The following PPFIA2 variants were observed in gnomAD, a reference collection of about 807,000 sequenced individuals.
The protein encoded by PPFIA2 is liprin-alpha-2.
Under a neutral mutation model 175.5 loss-of-function variants are expected in PPFIA2, and 46 were observed. The ratio of observed to expected loss-of-function variants is 0.26; its 90% confidence interval spans 0.21 to 0.34. PPFIA2 has a LOEUF of 0.34. Among genes scored for constraint, PPFIA2 ranks in the 10% least tolerant of loss-of-function variants. PPFIA2 has a pLI of 1.00. For missense variants in PPFIA2, 1,179 were observed against 1,506.1 expected (o/e 0.78, Z 3.60); for synonymous variants, 568 against 511.4 (o/e 1.11, Z -1.49).
chr12:81,704,349 G>A lies in PPFIA2; in HGVS notation c.250-27505C>T, dbSNP rs79769700. Among the ~76,000 whole-genome samples the A allele has an allele frequency of 6.4e-3, 973 of 152,148 alleles. 15 individuals are homozygous for A. The highest frequency in any genetic ancestry group is 0.022 in the African/African-American group (933 of 41,498). ...CTATTCTGTGCCCAAAATACTGCCT[G>A]GTGTTATGAAGAAGGTTGAGTAAAA... is the stretch of plus-strand genomic sequence containing the variant. On this transcript the variant is annotated intron_variant, in intron 3 of 32. Transcript: ENST00000549396.
chr12:81,701,130 T>G (rs1256264588), intron 3 of PPFIA2, among the ~76,000 whole-genome samples: 2 of 152,190 alleles, frequency 1.3e-5, no homozygotes, highest in Non-Finnish European at 2.9e-5. Context: ...AATTAGCCTC[T>G]GTGAACTGCA....
intron 14 of PPFIA2, 132 bp from the exon 15 acceptor site, chr12:81,362,916 A>C: frequency 2.0e-6 from 1 of 505,608 alleles, no homozygotes; most frequent in Non-Finnish European, 3.4e-6. Flanking sequence ...TACACATAAT[A>C]ATAAAGCACG....
intron 3 of PPFIA2, among the ~76,000 whole-genome samples, chr12:81,732,511 TTTA>T (rs2081044086): frequency 9.5e-6 from 1 of 105,478 alleles, no homozygotes; most frequent in East Asian, 2.2e-4. Context: ...GATGTTTTTT[TTTA>T]AAAAAAAAAA....
chr12:81,461,701 C>T (rs373536496), intron 4 of PPFIA2, among the ~76,000 whole-genome samples: 2 of 152,066 alleles, frequency 1.3e-5, no homozygotes, highest in African/African-American at 2.4e-5. Context: ...TCTGCAACTA[C>T]TGTGAAACAT....
At chr12:81,540,721 ATAAT>A (rs2066076290) in intron 4 of PPFIA2, among the ~76,000 whole-genome samples, 1 of 152,066 alleles carries the variant, frequency 6.6e-6, no homozygotes, top group Non-Finnish European at 1.5e-5. Flanking sequence ...ATATACTTAA[ATAAT>A]TAAGTATCTA....
Position 81,302,145 on chromosome 12 carries a change from T to G in PPFIA2, c.2643-2763A>C, listed in dbSNP as rs1373935219. ...TGTTTCAGTAAATTGTGTCCTATAATGTTTTGTTTTTGTAGTCCAAATAGC... is the reference window on the plus strand; with the variant it reads ...TGTTTCAGTAAATTGTGTCCTATAAGGTTTTGTTTTTGTAGTCCAAATAGC... On this transcript the variant is annotated intron_variant, in intron 22 of 32. Transcript: ENST00000549396. 2.0e-5 allele frequency: 8 copies of G among 409,308 alleles called. No homozygotes were observed. In the Admixed American group the frequency reaches 2.4e-4, roughly 12 times the overall value. The allele number at this position is 409,308 out of a possible 1,614,324, so 25.4% of individuals were successfully genotyped here.
chr12:81,413,357 T>C (rs1200682240), intron 7 of PPFIA2, among the ~76,000 whole-genome samples: 1 of 151,818 alleles, frequency 6.6e-6, no homozygotes, highest in East Asian at 1.9e-4. Flanking sequence ...GTTATCCATA[T>C]AGAGGAATAT....
intron 6 of PPFIA2, 85 bp downstream of exon 6, chr12:81,445,471 T>C: frequency 2.3e-6 from 3 of 1,298,882 alleles, no homozygotes; most frequent in Non-Finnish European, 3.2e-6. Context: ...ACTTTAGGAG[T>C]CAGGTGAGTC....
At chr12:81,360,045 A>C (rs1408014830) in intron 15 of PPFIA2, among the ~76,000 whole-genome samples, 2 of 151,820 alleles carry the variant, frequency 1.3e-5, no homozygotes, top group Admixed American at 1.3e-4. Context: ...TTCTCCTGAA[A>C]ACAGTCTCAA....
chr12:81,563,534 T>G (rs1778906878), intron 4 of PPFIA2, among the ~76,000 whole-genome samples: 1 of 152,176 alleles, frequency 6.6e-6, no homozygotes, highest in African/African-American at 2.4e-5. Context: ...ATCCTCTTCT[T>G]AGTTCACATC....
chr12:81,630,606 C>A (rs1183038729), intron 4 of PPFIA2, among the ~76,000 whole-genome samples: 1 of 152,178 alleles, frequency 6.6e-6, no homozygotes, highest in African/African-American at 2.4e-5. Flanking sequence ...GCCTAATAGT[C>A]TTGTCCTGAT....
intron 4 of PPFIA2, among the ~76,000 whole-genome samples, chr12:81,538,567 T>C (rs888922882): frequency 6.6e-6 from 1 of 151,888 alleles, no homozygotes; most frequent in East Asian, 1.9e-4. Flanking sequence ...AGTTGGGAAG[T>C]CCCAGTAGGT....
At chr12:81,469,764 T>C (rs1021860187) in intron 4 of PPFIA2, among the ~76,000 whole-genome samples, 1 of 152,192 alleles carries the variant, frequency 6.6e-6, no homozygotes, top group African/African-American at 2.4e-5. Flanking sequence ...AATGCATATG[T>C]TGAAGCCCTA....
At chr12:81,295,606 T>C (rs2046260934) in intron 23 of PPFIA2, among the ~76,000 whole-genome samples, 1 of 152,182 alleles carries the variant, frequency 6.6e-6, no homozygotes, top group South Asian at 2.1e-4. Context: ...AAATGCCTTT[T>C]AGAGAGTGAA....
chr12:81,646,955 A>G (rs1480496438), intron 4 of PPFIA2, among the ~76,000 whole-genome samples: 2 of 152,140 alleles, frequency 1.3e-5, no homozygotes, highest in Non-Finnish European at 2.9e-5. Flanking sequence ...GTGTAAAGCA[A>G]CAAAATAGTC....
intron 4 of PPFIA2, among the ~76,000 whole-genome samples, chr12:81,664,343 G>GA (rs1453759815): frequency 6.6e-6 from 1 of 151,544 alleles, no homozygotes; most frequent in Non-Finnish European, 1.5e-5. Flanking sequence ...AAATTTACAA[G>GA]AAAAAAACAA....
At chr12:81,360,898 T>C (rs1237786062) in intron 15 of PPFIA2, among the ~76,000 whole-genome samples, 2 of 151,738 alleles carry the variant, frequency 1.3e-5, no homozygotes. Context: ...AAACCAAGCC[T>C]GTGATATAAT....
intron 7 of PPFIA2, among the ~76,000 whole-genome samples, chr12:81,421,666 G>T (rs189937735): frequency 5.9e-5 from 9 of 152,000 alleles, no homozygotes; most frequent in Admixed American, 3.3e-4. Context: ...TTAACAAAAA[G>T]AAATTAGTAA....
intron 4 of PPFIA2, among the ~76,000 whole-genome samples, chr12:81,533,419 TA>T (rs1470761272): frequency 1.3e-5 from 2 of 151,580 alleles, no homozygotes; most frequent in Admixed American, 1.3e-4. Context: ...CTAGGTTATT[TA>T]AAAAAGTACA....
Sources: gnomAD v4.1 joint callset for allele counts (sites outside exome capture counted in the v4.1 genomes callset) on GRCh38, gnomAD v4.1.1 for gene constraint, MANE v1.5 for transcripts, NCBI Gene and HGNC (gene_info 2026-07-23, HGNC 2026-07-21) for gene names.